The following SKOR2 variants were observed in gnomAD, a reference collection of about 807,000 sequenced individuals.
The protein encoded by SKOR2 is LBX1 corepressor 1-like protein.
SKOR2 carries 47 observed loss-of-function variants against 69.1 expected under a neutral mutation model. The ratio of observed to expected loss-of-function variants is 0.68; its 90% CI spans 0.54 to 0.87. The LOEUF (loss-of-function observed/expected upper bound fraction) is 0.87. SKOR2 is among the 40% of genes least tolerant of loss of function. The pLI, the probability that SKOR2 is intolerant of heterozygous loss-of-function variation, is 0.00. For missense variants in SKOR2, 1,404 were observed against 1,472.2 expected (o/e 0.95, Z 0.76); for synonymous variants, 717 against 672.6 (o/e 1.07, Z -1.02).
chr18:47,242,230 T>C (rs559201536), intron 4 of SKOR2, among the ~76,000 whole-genome samples: 2 of 152,252 alleles, frequency 1.3e-5, no homozygotes, highest in East Asian at 1.9e-4. Context: ...CAGAGGAAGA[T>C]GAAAGAGAGA....
chr18:47,212,160 C>A lies in SKOR2; in HGVS notation c.2986-9G>T. On this transcript the variant is annotated splice_polypyrimidine_tract_variant and intron_variant, in intron 7 of 8. Coordinates refer to ENST00000425639, the MANE Select transcript of SKOR2 (RefSeq NM_001278063.4). ...CTTGCTGCATAGGGGATCTGTAAGA[C>A]AAAAACAAGCAACACCATCCAGGTA... The A allele has an allele frequency of 3.2e-6, 4 of 1,231,852 alleles. No homozygotes were observed. Among genetic ancestry groups the A allele is most frequent in the Non-Finnish European group, 4.0e-6 (4 of 987,806 alleles). The allele number at this position is 1,231,852 out of a possible 1,614,324, so 76.3% of individuals were successfully genotyped here. A position where few individuals can be genotyped will look rare whatever the true frequency, so the allele number is the denominator to read the frequency against.
chr18:47,248,068 T>C lies in SKOR2; in HGVS notation c.1116A>G (p.Ala372=), dbSNP rs764662983. 7.1e-7 allele frequency: 1 copy of C among 1,410,664 alleles called. No individual in the cohort carries two copies. Among genetic ancestry groups the C allele is most frequent in the South Asian group, 1.5e-5 (1 of 67,864 alleles). 87.4% of individuals were successfully genotyped at this position (1,410,664 alleles called of 1,614,324 possible). ...VGAGAGAGAG[A]GAKGPRSYPV... ...GGTAGCTGCGCGGGCCTTTGGCCCCTGCCCCGGCACCCGCCCCCGCGCCCG... is the reference window on the plus strand; with the variant it reads ...GGTAGCTGCGCGGGCCTTTGGCCCCCGCCCCGGCACCCGCCCCCGCGCCCG... Residue 372 remains alanine (A), a synonymous_variant, in exon 2 of 9, where the codon GCA becomes GCG. Coordinates refer to ENST00000425639, the MANE Select transcript of SKOR2 (RefSeq NM_001278063.4). This position sits in a 1 kb window ranked among gnomAD's most constrained non-coding sequence, Gnocchi z 6.4.
intron 4 of SKOR2, among the ~76,000 whole-genome samples, chr18:47,237,164 T>C: frequency 6.6e-6 from 1 of 152,276 alleles, no homozygotes; most frequent in Non-Finnish European, 1.5e-5. Flanking sequence ...CTTGTTCCTA[T>C]ATGTGAAAAG....
chr18:47,227,732 T>C (rs2684814), intron 6 of SKOR2, among the ~76,000 whole-genome samples: 87,917 of 152,042 alleles, frequency 0.58, 25,477 homozygotes, highest in African/African-American at 0.59. Flanking sequence ...ATCATAATTG[T>C]ACTTATCCTG....
rs940162402 is a variant in SKOR2, at chr18:47,246,688, G to A, written c.2496C>T (p.Asp832=). The A allele has an allele frequency of 2.0e-6, 3 of 1,479,976 alleles. No individual in the cohort carries two copies. The highest frequency in any genetic ancestry group is 1.3e-5 in the South Asian group (1 of 77,262). The allele number at this position is 1,479,976 out of a possible 1,614,324, so 91.7% of individuals were successfully genotyped here. The change falls in exon 2 of 9, where the codon GAC becomes GAT. Residue 832 remains aspartate, a synonymous_variant. Coordinates refer to ENST00000425639, the MANE Select transcript of SKOR2 (RefSeq NM_001278063.4). ...EDGKLGDPGS[D]LPPPPPPPLA... Reference sequence around the variant, plus strand: ...GGGGCGGCGGCGGGGGCGGGGGCAGGTCCGAGCCGGGGTCCCCGAGTTTCC... The same window carrying A: ...GGGGCGGCGGCGGGGGCGGGGGCAGATCCGAGCCGGGGTCCCCGAGTTTCC...
chr18:47,247,927 GCTGAAGGCGGCGGCCGC>G lies in SKOR2; in HGVS notation c.1240_1256del (p.Ala414LeufsTer4). On this transcript the variant is annotated frameshift_variant, in exon 2 of 9. Coordinates refer to ENST00000425639, the MANE Select transcript of SKOR2 (RefSeq NM_001278063.4). LOFTEE classifies it high-confidence loss of function. This position sits in a 1 kb window ranked among gnomAD's most constrained non-coding sequence, Gnocchi z 6.6. ...CCGCATCCTCTTTCTTATGGCACAAGCTGAAGGCGGCGGCCGCGGCAGGGAAGGTGTAGGGGTGCGGG... is the reference window on the plus strand; with the variant it reads ...CCGCATCCTCTTTCTTATGGCACAAGGGCAGGGAAGGTGTAGGGGTGCGGG... 7.3e-7 allele frequency: 1 copy of G among 1,369,944 alleles called. No individual in the cohort carries two copies. The highest frequency in any genetic ancestry group is 9.4e-7 in the Non-Finnish European group (1 of 1,067,912). 84.9% of individuals were successfully genotyped at this position (1,369,944 alleles called of 1,614,324 possible). A position where few individuals can be genotyped will look rare whatever the true frequency, so the allele number is the denominator to read the frequency against.
intron 6 of SKOR2, among the ~76,000 whole-genome samples, chr18:47,230,244 C>A (rs1046550781): frequency 6.6e-6 from 1 of 151,876 alleles, no homozygotes; most frequent in South Asian, 2.1e-4. Flanking sequence ...ACACATATAT[C>A]CATACACAAA....
Position 47,247,165 on chromosome 18 carries a change from C to A in SKOR2, c.2019G>T (p.Pro673=). 6 of 662,362 alleles carry A rather than the reference C, an allele frequency of 9.1e-6. No homozygotes were observed. The highest frequency in any genetic ancestry group is 9.2e-6 in the Non-Finnish European group (5 of 544,688). 41.0% of individuals were successfully genotyped at this position (662,362 alleles called of 1,614,324 possible). ...HHHHHHPPQP[P]SPLLLLPPQP... ...GCGGGGGCAGCAGCAGAAGCGGCGA[C>A]GGCGGCTGCGGGGGGTGGTGGTGGT... The change falls in exon 2 of 9, where the codon CCG becomes CCT. Residue 673 remains proline (P), a synonymous_variant. Transcript: ENST00000425639. This position sits in a 1 kb window ranked among gnomAD's most constrained non-coding sequence, Gnocchi z 6.6.
intron 6 of SKOR2, among the ~76,000 whole-genome samples, chr18:47,220,771 C>T (rs2064158811): frequency 6.6e-6 from 1 of 152,156 alleles, no homozygotes; most frequent in African/African-American, 2.4e-5. Context: ...GTGGACGTGG[C>T]TAACTTTGCC....
At chr18:47,224,510 G>C (rs370416500) in intron 6 of SKOR2, among the ~76,000 whole-genome samples, 1 of 152,182 alleles carries the variant, frequency 6.6e-6, no homozygotes, top group African/African-American at 2.4e-5. Context: ...GGGTACATCT[G>C]GTTCACATCT....
intron 6 of SKOR2, among the ~76,000 whole-genome samples, chr18:47,224,426 A>G (rs2064171829): frequency 6.6e-6 from 1 of 152,182 alleles, no homozygotes; most frequent in South Asian, 2.1e-4. Context: ...GGAAAAGCCA[A>G]AGGGTTTTCC....
intron 8 of SKOR2, among the ~76,000 whole-genome samples, chr18:47,208,507 T>A (rs1413318163): frequency 6.6e-6 from 1 of 152,152 alleles, no homozygotes; most frequent in Non-Finnish European, 1.5e-5. Flanking sequence ...CTGTGAAAGG[T>A]GTGGGTGTTT....
chr18:47,245,136 G>T (rs2064265894), intron 3 of SKOR2, among the ~76,000 whole-genome samples, 154 bp from the exon 4 acceptor site: 2 of 152,030 alleles, frequency 1.3e-5, no homozygotes, highest in East Asian at 3.9e-4. Flanking sequence ...GAAGGCTCTA[G>T]GTATTCTCCA....
chr18:47,230,613 A>G, intron 5 of SKOR2, 56 bp from the exon 6 acceptor site: 2 of 1,103,114 alleles, frequency 1.8e-6, no homozygotes, highest in Admixed American at 3.5e-5. Flanking sequence ...TCTCCAGAGA[A>G]CTGTTATATA....
At chr18:47,209,645 C>A (rs923310238) in intron 8 of SKOR2, among the ~76,000 whole-genome samples, 2 of 151,916 alleles carry the variant, frequency 1.3e-5, no homozygotes, top group African/African-American at 4.8e-5. Context: ...TTTCTTTTTC[C>A]CACCTAGCCA....
At chr18:47,249,620 T>C (rs1162766356) in intron 1 of SKOR2, among the ~76,000 whole-genome samples, 2 of 152,216 alleles carry the variant, frequency 1.3e-5, no homozygotes, top group Non-Finnish European at 2.9e-5. Context: ...AACTGGGGCT[T>C]GGCCATTGAA....
rs1568092085 is a variant in SKOR2, at chr18:47,248,667, TGA to T, written c.515_516del (p.Ile172LysfsTer251). On this transcript the variant is annotated frameshift_variant, in exon 2 of 9. Transcript: ENST00000425639. LOFTEE classifies it high-confidence loss of function. This position sits in a 1 kb window ranked among gnomAD's most constrained non-coding sequence, Gnocchi z 6.4. ...AAGTACATGTTGCAGTAGCTGCATT[TGA>T]TGCACTTGGCGCGCGAGCTGTTGTA... ...ARYNSSRAKC[I>X]KCSYCNMYFS... is the part of the protein sequence containing the mutation. The T allele has an allele frequency of 6.4e-7, 1 of 1,567,036 alleles. No homozygotes were observed. The highest frequency in any genetic ancestry group is 2.3e-5 in the East Asian group (1 of 42,652).
In SKOR2 at chr18:47,206,872, A is replaced by G. The variant is rs1298525744; in HGVS notation, c.*24T>C. On this transcript the variant is annotated 3_prime_UTR_variant, in exon 9 of 9. Coordinates refer to ENST00000425639, the MANE Select transcript of SKOR2 (RefSeq NM_001278063.4). ...GCAGGCTGTATCTTACAAGAGAACA[A>G]GAGTAAGTAGTTCTGTGCACCTGGG... is the stretch of plus-strand genomic sequence containing the variant. 6.6e-6 allele frequency: 1 copy of G among 152,230 alleles called. No individual in the cohort carries two copies. The highest frequency in any genetic ancestry group is 6.5e-5 in the Admixed American group (1 of 15,270). The allele number at this position is 152,230 out of a possible 1,614,324, so 9.4% of individuals were successfully genotyped here. A position where few individuals can be genotyped will look rare whatever the true frequency, so the allele number is the denominator to read the frequency against.
chr18:47,248,096 C>G lies in SKOR2; in HGVS notation c.1088G>C (p.Gly363Ala), dbSNP rs1250390988. 2 of 1,358,674 alleles carry G rather than the reference C, an allele frequency of 1.5e-6. No individual in the cohort carries two copies. Among genetic ancestry groups the G allele is most frequent in the African/African-American group, 1.5e-5 (1 of 65,630 alleles). The allele number at this position is 1,358,674 out of a possible 1,614,324, so 84.2% of individuals were successfully genotyped here. The change falls in exon 2 of 9, where the codon GGC becomes GCC. Residue 363 changes from glycine (G) to alanine (A), a missense_variant. Gly to Ala is a moderately conservative substitution (Grantham distance 60, BLOSUM62 0). This residue lies in a region of SKOR2 where 1,266 missense variants were observed against 1,309.9 expected (regional missense o/e 0.97). Coordinates refer to ENST00000425639, the MANE Select transcript of SKOR2 (RefSeq NM_001278063.4). This position sits in a 1 kb window ranked among gnomAD's most constrained non-coding sequence, Gnocchi z 6.4. ...CCCGGCACCCGCCCCCGCGCCCGCG[C>G]CCACGCCCACGCCGGCCACACAGCC... ...GGGCVAGVGV[G>A]AGAGAGAGAG... is the part of the protein sequence containing the mutation.
Sources: allele counts gnomAD v4.1 joint callset (sites outside exome capture counted in the v4.1 genomes callset), GRCh38; gene constraint gnomAD v4.1.1; regional missense constraint gnomAD v4.1.1; non-coding constraint Gnocchi (gnomAD v3.1); transcripts MANE v1.5; gene names NCBI Gene and HGNC (gene_info 2026-07-23, HGNC 2026-07-21).